Variants in ERCC8 observed in about 807,000 individuals in gnomAD.
The protein encoded by ERCC8 is ERCC excision repair 8, CSA ubiquitin ligase complex subunit, also known as DNA excision repair protein ERCC-8.
ERCC8 carries 52 observed loss-of-function variants against 54.9 expected under a neutral mutation model. The ratio of observed to expected loss-of-function variants is 0.95; its 90% CI spans 0.76 to 1.19. The LOEUF (loss-of-function observed/expected upper bound fraction) is 1.19, where lower values mean the gene tolerates loss of function less well. Among genes scored for constraint, ERCC8 ranks in the 50% most tolerant of loss-of-function variants. The probability of loss-of-function intolerance (pLI) is 0.00; values close to 1 mark genes in which losing one functional copy is unlikely to be tolerated. For missense variants in ERCC8, 514 were observed against 466.1 expected (o/e 1.10, Z -0.95); for synonymous variants, 146 against 157.2 (o/e 0.93, Z 0.53).
chr5:60,919,254 G>A (rs1310632350), intron 3 of ERCC8: 1 of 152,012 alleles, frequency 6.6e-6, no homozygotes, highest in Admixed American at 6.6e-5. Flanking sequence ...ATAATTATGA[G>A]GGTGGATGGG....
intron 9 of ERCC8, among the ~76,000 whole-genome samples, chr5:60,897,233 T>G (rs959402754): frequency 3.3e-5 from 5 of 152,234 alleles, no homozygotes; most frequent in Admixed American, 3.3e-4. Flanking sequence ...GACTTCCCTA[T>G]GTGAAACAGC....
At chr5:60,906,746 TAAA>T (rs1749084913) in intron 4 of ERCC8, among the ~76,000 whole-genome samples, 1 of 151,276 alleles carries the variant, frequency 6.6e-6, no homozygotes, top group East Asian at 1.9e-4. Flanking sequence ...AATAAATAAA[TAAA>T]TAAATAAATA....
At chr5:60,878,133 T>C (rs1748074938) in intron 11 of ERCC8, among the ~76,000 whole-genome samples, 1 of 152,236 alleles carries the variant, frequency 6.6e-6, no homozygotes, top group Admixed American at 6.5e-5. Flanking sequence ...GATAATCATT[T>C]GGTTTTTGTC....
chr5:60,920,425 T>G (rs901882493), intron 3 of ERCC8, among the ~76,000 whole-genome samples: 1 of 151,962 alleles, frequency 6.6e-6, no homozygotes, highest in Non-Finnish European at 1.5e-5. Flanking sequence ...TAGGATATTT[T>G]ATTATGTTAC....
At chr5:60,880,008 T>C (rs1184558649) in intron 11 of ERCC8, among the ~76,000 whole-genome samples, 1 of 152,216 alleles carries the variant, frequency 6.6e-6, no homozygotes, top group African/African-American at 2.4e-5. Flanking sequence ...TGGTACCGGT[T>C]GTTCCTTTCC....
rs767533851 is a variant in ERCC8 at position 60,904,866 on chromosome 5, T to C, written c.407A>G (p.Asp136Gly). 16 of 1,504,592 alleles carry C rather than the reference T, an allele frequency of 1.1e-5. No homozygotes were observed. The Admixed American group carries it at 2.7e-4, about 25-fold the overall frequency. The allele number at this position is 1,504,592 out of a possible 1,614,324, so 93.2% of individuals were successfully genotyped here. Residue 136 changes from aspartate to glycine, a missense_variant, in exon 5 of 12, where the codon GAT becomes GGT. Transcript: ENST00000676185. Reference protein sequence around the residue: ...VWDTNTLQTADVFNFEETVYS... With the variant: ...VWDTNTLQTAGVFNFEETVYS... ...AACTGTTTCCTCAAAATTAAATACA[T>C]CTGCAGTCTGGTAATCAAAAGACAT...
At chr5:60,900,863 T>G (rs541933632) in intron 7 of ERCC8, 2 of 152,036 alleles carry the variant, frequency 1.3e-5, no homozygotes, top group Non-Finnish European at 2.9e-5. Context: ...AAGTTAAGCA[T>G]GAAAAATGTA....
chr5:60,877,581 G>A (rs1022383975), intron 11 of ERCC8, among the ~76,000 whole-genome samples: 7 of 151,770 alleles, frequency 4.6e-5, no homozygotes, highest in Non-Finnish European at 1.0e-4. Flanking sequence ...TCCTTGAAGA[G>A]GTCCTTCACA....
intron 4 of ERCC8, among the ~76,000 whole-genome samples, chr5:60,914,743 C>T (rs974847031): frequency 2.6e-4 from 38 of 146,714 alleles, no homozygotes; most frequent in South Asian, 6.4e-4. Flanking sequence ...GTTATAATTG[C>T]GCCACTGCAC....
chr5:60,903,757 T>A, intron 5 of ERCC8, 41 bp from the exon 6 acceptor site: 2 of 1,591,124 alleles, frequency 1.3e-6, no homozygotes, highest in Non-Finnish European at 1.7e-6. Flanking sequence ...TTATCATAAG[T>A]CATCATCAAA....
chr5:60,881,296 T>C (rs971810019), intron 11 of ERCC8, among the ~76,000 whole-genome samples: 13 of 152,318 alleles, frequency 8.5e-5, no homozygotes, highest in African/African-American at 2.2e-4. Flanking sequence ...ACAGTTAGGC[T>C]ACTCGGCATC....
At chr5:60,931,450 T>C (rs1749907182) in intron 1 of ERCC8, among the ~76,000 whole-genome samples, 1 of 152,054 alleles carries the variant, frequency 6.6e-6, no homozygotes, top group African/African-American at 2.4e-5. Flanking sequence ...AGGACTACAA[T>C]TGCATGTTAC....
chr5:60,923,840 C>G (rs1479563634), intron 2 of ERCC8, among the ~76,000 whole-genome samples: 1 of 152,082 alleles, frequency 6.6e-6, no homozygotes, highest in East Asian at 1.9e-4. Flanking sequence ...AAATTCTTCA[C>G]AGAGATCCAA....
intron 9 of ERCC8, among the ~76,000 whole-genome samples, chr5:60,895,240 G>GTA (rs1374589523): frequency 1.3e-5 from 2 of 148,384 alleles, no homozygotes; most frequent in African/African-American, 2.5e-5. Flanking sequence ...GTATGTGTAT[G>GTA]TATATATATA....
Position 60,918,386 on chromosome 5 carries a change from T to C in ERCC8, c.278A>G (p.Asp93Gly). The change falls in exon 4 of 12, where the codon GAT becomes GGT. Residue 93 changes from aspartate to glycine, a missense_variant and splice_region_variant. By Grantham distance (94) the Asp-to-Gly change is moderately conservative (BLOSUM62 -1). Transcript: ENST00000676185. ...ACTGTATCTGTGAACATCAGGATGA[T>C]CTCTACAAAACAGCAATCAAAATTT... Reference protein sequence around the residue: ...TCKAVCSIGRDHPDVHRYSVE... With the variant: ...TCKAVCSIGRGHPDVHRYSVE... 1 of 1,610,158 alleles carries C rather than the reference T, an allele frequency of 6.2e-7. No individual in the cohort carries two copies. Among genetic ancestry groups the C allele is most frequent in the Non-Finnish European group, 8.5e-7 (1 of 1,177,670 alleles).
intron 11 of ERCC8, among the ~76,000 whole-genome samples, chr5:60,887,149 TA>T (rs1467714258): frequency 1.3e-5 from 2 of 152,252 alleles, no homozygotes; most frequent in African/African-American, 4.8e-5. Context: ...CTTCTTTTGA[TA>T]TTTTTCTGAA....
intron 1 of ERCC8, among the ~76,000 whole-genome samples, chr5:60,933,216 C>CTTTTTTTTTTTTTTTTTTTTTTTTTTT (rs143139297): frequency 2.2e-5 from 2 of 89,484 alleles, no homozygotes; most frequent in Non-Finnish European, 4.1e-5. Context: ...CCTTTTTTTT[C>CTTTTTTTTTTTTTTTTTTTTTTTTTTT]TTTTTTTTTT....
At position 60,868,899 on chromosome 5, in the gene ERCC8, G is replaced by T. The variant is rs1747807135; in HGVS notation, c.*5716C>A. Among the ~76,000 whole-genome samples, 1 of 152,174 alleles carries T rather than the reference G, an allele frequency of 6.6e-6. No individual in the cohort carries two copies. The highest frequency in any genetic ancestry group is 6.6e-5 in the Admixed American group (1 of 15,266). ...GTCCAGAAATTCATTACAATAGAAA[G>T]CAAAGTGATTGTTTTCCTTTCTGTA... On this transcript the variant is annotated 3_prime_UTR_variant, in exon 12 of 12. Coordinates refer to ENST00000676185, the MANE Select transcript of ERCC8 (RefSeq NM_000082.4).
At chr5:60,920,858 C>T (rs550603054) in intron 3 of ERCC8, among the ~76,000 whole-genome samples, 43 of 151,606 alleles carry the variant, frequency 2.8e-4, no homozygotes, top group Non-Finnish European at 5.3e-4. Flanking sequence ...TGCTATGTAA[C>T]AAAATAAATT....
Sources: allele counts gnomAD v4.1 joint callset (sites outside exome capture counted in the v4.1 genomes callset), GRCh38; gene constraint gnomAD v4.1.1; transcripts MANE v1.5; gene names NCBI Gene and HGNC (gene_info 2026-07-23, HGNC 2026-07-21).